Variants in CCT4 observed in about 807,000 individuals in gnomAD.
The protein encoded by CCT4 is chaperonin containing TCP1 subunit 4.
CCT4 carries 17 observed loss-of-function variants against 62.5 expected under a neutral mutation model. The ratio of observed to expected loss-of-function variants is 0.27; its 90% confidence interval spans 0.19 to 0.41. CCT4 has a LOEUF of 0.41. CCT4 is among the 10% of genes least tolerant of loss of function. The pLI, the probability that CCT4 is intolerant of heterozygous loss-of-function variation, is 1.00. For synonymous variants in CCT4, 250 were observed against 229.9 expected (o/e 1.09, Z -0.79); for missense variants, 592 against 659.2 (o/e 0.90, Z 1.12).
intron 3 of CCT4, among the ~76,000 whole-genome samples, chr2:61,882,386 A>C (rs541109041): frequency 6.6e-6 from 1 of 152,348 alleles, no homozygotes; most frequent in Admixed American, 6.5e-5. Flanking sequence ...CCAGTAGATT[A>C]TATTTTTAGA....
At chr2:61,886,440 CCAAA>C (rs1669252170) in intron 1 of CCT4, among the ~76,000 whole-genome samples, 4 of 152,138 alleles carry the variant, frequency 2.6e-5, no homozygotes, top group African/African-American at 9.7e-5. Flanking sequence ...ACCTAACAAA[CCAAA>C]CAAAAACCAA....
intron 8 of CCT4, among the ~76,000 whole-genome samples, 171 bp from the exon 9 acceptor site, chr2:61,873,464 G>C: frequency 6.6e-6 from 1 of 152,048 alleles, no homozygotes; most frequent in Non-Finnish European, 1.5e-5. Context: ...CAATTCTATT[G>C]GAAATTTTAG....
At chr2:61,871,735 A>G (rs892310470) in intron 12 of CCT4, among the ~76,000 whole-genome samples, 17 of 152,240 alleles carry the variant, frequency 1.1e-4, no homozygotes, top group African/African-American at 4.1e-4. Flanking sequence ...CCAAGCATCT[A>G]TCTAAGAGCT....
At position 61,884,994 on chromosome 2, in the gene CCT4, TAGTATTC is replaced by T; in HGVS notation, c.180+19_180+25del. On this transcript the variant is annotated intron_variant, in intron 2 of 13. Coordinates refer to ENST00000394440, the MANE Select transcript of CCT4 (RefSeq NM_006430.4). ...AGTGTGAACAGCAGTGCTCAATTAGTAGTATTCAATGACTCAACTCTTTACCATTTTA... is the reference window on the plus strand; with the variant it reads ...AGTGTGAACAGCAGTGCTCAATTAGTAATGACTCAACTCTTTACCATTTTA... 1 of 1,539,736 alleles carries T rather than the reference TAGTATTC, an allele frequency of 6.5e-7. No individual in the cohort carries two copies. Among genetic ancestry groups the T allele is most frequent in the Admixed American group, 1.9e-5 (1 of 53,264 alleles).
At chr2:61,875,058 C>T (rs374109143) in intron 8 of CCT4, among the ~76,000 whole-genome samples, 15 of 150,752 alleles carry the variant, frequency 1.0e-4, no homozygotes, top group East Asian at 7.9e-4. Flanking sequence ...AGGAGACTTG[C>T]GTGAACCCAG....
At chr2:61,875,505 C>T (rs1242021694) in intron 8 of CCT4, among the ~76,000 whole-genome samples, 1 of 150,618 alleles carries the variant, frequency 6.6e-6, no homozygotes, top group African/African-American at 2.4e-5. Flanking sequence ...ACTTGTTGAA[C>T]CCAGGAGGCG....
intron 8 of CCT4, among the ~76,000 whole-genome samples, chr2:61,874,694 C>T (rs1668960572): frequency 2.0e-5 from 3 of 152,092 alleles, no homozygotes; most frequent in South Asian, 2.1e-4. Flanking sequence ...AGCATTCCCC[C>T]AAAAAGTACC....
rs148409821 is a variant in CCT4 at position 61,874,292 on chromosome 2, C to T, written c.918-999G>A. Among the ~76,000 whole-genome samples, 409 of 152,136 alleles carry T rather than the reference C, an allele frequency of 2.7e-3. 7 individuals carry two copies. The highest frequency in any genetic ancestry group is 4.8e-3 in the Admixed American group (73 of 15,264). On this transcript the variant is annotated intron_variant, in intron 8 of 13. Transcript: ENST00000394440. ...AATGAACATCCACAGTACATTCTGG[C>T]ACATTAATGGAGTAAATGGGAATGC... is the stretch of plus-strand genomic sequence containing the variant.
chr2:61,885,270 T>A (rs10179456), intron 1 of CCT4, among the ~76,000 whole-genome samples, 198 bp from the exon 2 acceptor site: 1 of 152,130 alleles, frequency 6.6e-6, no homozygotes, highest in Non-Finnish European at 1.5e-5. Context: ...CAAATGATCA[T>A]TGTGTTCTTA....
At chr2:61,881,456 C>T (rs1359882382) in intron 3 of CCT4, among the ~76,000 whole-genome samples, 14 of 152,070 alleles carry the variant, frequency 9.2e-5, no homozygotes, top group Admixed American at 9.2e-4. Context: ...TTTGTTTTTG[C>T]TCATATGACT....
In CCT4 at chr2:61,888,483, T is replaced by C. The variant is rs756874495; in HGVS notation, c.25A>G (p.Ser9Gly). Residue 9 changes from serine (S) to glycine (G), a missense_variant, in exon 1 of 14, where the codon AGC becomes GGC. Ser to Gly is a moderately conservative substitution (Grantham distance 56). Around this residue, in one of 3 missense-constraint regions of CCT4, gnomAD observed 67 missense variants for 71.1 expected, o/e 0.94. Transcript: ENST00000394440. ...CCGGCAGCCCCGGCAGTCGCCCCGC[T>C]CCGGGGTGCCACATTCTCGGGCATG... is the stretch of plus-strand genomic sequence containing the variant. MPENVAPR[S>G]GATAGAAGGR... 48 of 1,611,964 alleles carry C rather than the reference T, an allele frequency of 3.0e-5. 2 individuals are homozygous for C. The South Asian group carries it at 4.7e-4, about 16-fold the overall frequency.
chr2:61,871,059 T>G lies in CCT4; in HGVS notation c.1491+1023A>C, dbSNP rs1276841064. 1.3e-3 allele frequency among the ~76,000 whole-genome samples: 188 copies of G among 139,644 alleles called. 3 individuals are homozygous for G. The highest frequency in any genetic ancestry group is 3.2e-3 in the South Asian group (14 of 4,410). 91.6% of individuals were successfully genotyped at this position (139,644 alleles called of 152,430 possible). On this transcript the variant is annotated intron_variant, in intron 12 of 13. Transcript: ENST00000394440. The stretch of plus-strand genomic sequence containing the variant: ...TTTTTTTTTTTTTTTTGAGACGGAG[T>G]CTCGCCCTGTCGCCCAGGCTGGAGT...
chr2:61,884,042 G>T (rs572828693), intron 2 of CCT4, among the ~76,000 whole-genome samples: 1 of 151,974 alleles, frequency 6.6e-6, no homozygotes. Context: ...ATAATCTATA[G>T]TATCATCCAG....
chr2:61,885,085 G>A lies in CCT4; in HGVS notation c.128-13C>T. On this transcript the variant is annotated splice_polypyrimidine_tract_variant and intron_variant, in intron 1 of 13. Transcript: ENST00000394440. ...GCATCAGCAACCGCTGCAGATGGGG[G>A]GGAAAAAAAAGAAAACAAATTAGAA... 1.4e-6 allele frequency: 2 copies of A among 1,451,440 alleles called. No homozygotes were observed. Among genetic ancestry groups the A allele is most frequent in the Non-Finnish European group, 1.8e-6 (2 of 1,108,884 alleles). The allele number at this position is 1,451,440 out of a possible 1,614,324, so 89.9% of individuals were successfully genotyped here. A position where few individuals can be genotyped will look rare whatever the true frequency, so the allele number is the denominator to read the frequency against.
chr2:61,888,271 AAG>A, intron 1 of CCT4, 108 bp downstream of exon 1: 2 of 1,330,476 alleles, frequency 1.5e-6, no homozygotes, highest in Non-Finnish European at 1.0e-6. Context: ...TAGGGAGGAC[AAG>A]AGAGGATCAC....
At chr2:61,869,615 G>A (rs1668842703) in intron 12 of CCT4, 62 bp from the exon 13 acceptor site, 9 of 849,726 alleles carry the variant, frequency 1.1e-5, no homozygotes, top group Non-Finnish European at 1.6e-5. Context: ...CAGCAGCCAC[G>A]TGGTTACCAG....
chr2:61,879,056 T>A (rs1342606575), intron 4 of CCT4, 45 bp from the exon 5 acceptor site: 3 of 1,449,088 alleles, frequency 2.1e-6, no homozygotes, highest in Admixed American at 2.3e-5. Flanking sequence ...ACAGGTAAAC[T>A]ACACATTTGA....
At chr2:61,882,292 T>C (rs1196566380) in intron 3 of CCT4, among the ~76,000 whole-genome samples, 1 of 152,230 alleles carries the variant, frequency 6.6e-6, no homozygotes, top group African/African-American at 2.4e-5. Context: ...ACCAGGTTTA[T>C]GTTTTTAATC....
intron 8 of CCT4, 146 bp downstream of exon 8, chr2:61,875,949 T>TC (rs1303952097): frequency 5.9e-6 from 3 of 507,450 alleles, no homozygotes; most frequent in Non-Finnish European, 1.0e-5. Flanking sequence ...ATAAAAATTC[T>TC]CCATTTCGTT....
Sources: gnomAD v4.1 joint callset for allele counts (sites outside exome capture counted in the v4.1 genomes callset) on GRCh38, gnomAD v4.1.1 for gene constraint, gnomAD v4.1.1 regional missense constraint, MANE v1.5 for transcripts, NCBI Gene and HGNC (gene_info 2026-07-23, HGNC 2026-07-21) for gene names.